ARHGAP26: variants seen among roughly 807,000 people sequenced by gnomAD.
ARHGAP26 encodes the protein rho GTPase-activating protein 26.
A neutral mutation model predicts 104.8 loss-of-function variants in ARHGAP26; 38 were observed. That is an observed-to-expected ratio of 0.36 (90% CI 0.28 to 0.48). The LOEUF (loss-of-function observed/expected upper bound fraction) is 0.48. ARHGAP26 is among the 20% of genes least tolerant of loss of function. ARHGAP26 has a pLI of 0.99. For missense variants in ARHGAP26, 704 were observed against 947.9 expected, an observed-to-expected ratio of 0.74 and a Z score of 3.38; for synonymous variants, 341 against 340.0, an observed-to-expected ratio of 1.00 and a Z score of -0.03.
intron 21 of ARHGAP26, among the ~76,000 whole-genome samples, chr5:143,213,716 G>T (rs1809875551): frequency 6.6e-6 from 1 of 152,138 alleles, no homozygotes; most frequent in Non-Finnish European, 1.5e-5. Flanking sequence ...CCGCTGTTTG[G>T]CTGTTGTAAC....
intron 11 of ARHGAP26, among the ~76,000 whole-genome samples, chr5:142,949,165 CAGAG>C (rs71276311): frequency 5.4e-5 from 2 of 37,362 alleles, no homozygotes; most frequent in African/African-American, 2.5e-4. Flanking sequence ...GTTGAATTTC[CAGAG>C]AGAGAGAGAG....
chr5:142,803,043 G>A (rs1047631844), intron 1 of ARHGAP26, among the ~76,000 whole-genome samples: 5 of 152,046 alleles, frequency 3.3e-5, no homozygotes, highest in Non-Finnish European at 7.4e-5. Context: ...AGCCTCATGC[G>A]CAGACTGTCA....
intron 17 of ARHGAP26, among the ~76,000 whole-genome samples, chr5:143,077,975 C>T (rs1289768237): frequency 6.6e-6 from 1 of 152,176 alleles, no homozygotes; most frequent in Non-Finnish European, 1.5e-5. Flanking sequence ...CTGCCAGCCT[C>T]TAAAGGCCAG....
chr5:142,960,592 G>A (rs764316931), intron 11 of ARHGAP26, among the ~76,000 whole-genome samples: 8 of 152,324 alleles, frequency 5.3e-5, no homozygotes, highest in South Asian at 2.1e-4. Context: ...ATCTACTGGC[G>A]TCTTGGGAGG....
At chr5:143,089,008 G>C (rs1445616997) in intron 17 of ARHGAP26, among the ~76,000 whole-genome samples, 1 of 152,152 alleles carries the variant, frequency 6.6e-6, no homozygotes, top group African/African-American at 2.4e-5. Flanking sequence ...GGGTGGAGCA[G>C]GTAATTGAAA....
chr5:142,777,670 A>G (rs1392082500), intron 1 of ARHGAP26, among the ~76,000 whole-genome samples: 1 of 152,302 alleles, frequency 6.6e-6, no homozygotes, highest in Middle Eastern at 3.4e-3. Flanking sequence ...TGCCTTTACC[A>G]TGTCCTCCAG....
At chr5:143,183,893 TTAAGTTTCAGTAGAAGTTTGGA>T (rs1169292470) in intron 20 of ARHGAP26, among the ~76,000 whole-genome samples, 1 of 152,216 alleles carries the variant, frequency 6.6e-6, no homozygotes, top group African/African-American at 2.4e-5. Flanking sequence ...CTCCATTTTC[TTAAGTTTCAGTAGAAGTTTGGA>T]TAACCTGTAG....
rs550943548 is a variant in ARHGAP26, at chr5:142,822,463, G to C, written c.155-50937G>C. On this transcript the variant is annotated intron_variant, in intron 1 of 22. Transcript: ENST00000645722. ...TAACTCTCTGTGAGTGTGTTGGCAA[G>C]AGATCTGCAGGGTTAAATCTCGGTA... is the stretch of plus-strand genomic sequence containing the variant. Among the ~76,000 whole-genome samples the C allele has an allele frequency of 8.5e-5, 13 of 152,286 alleles. 1 individual carries two copies. In the East Asian group the frequency reaches 2.5e-3, roughly 29 times the overall value.
intron 1 of ARHGAP26, among the ~76,000 whole-genome samples, chr5:142,810,352 A>G (rs1367790534): frequency 6.6e-6 from 1 of 152,216 alleles, no homozygotes. Flanking sequence ...AATTTAGGGT[A>G]GTATCAAAGA....
At chr5:143,187,812 C>T (rs1446302926) in intron 20 of ARHGAP26, among the ~76,000 whole-genome samples, 1 of 149,672 alleles carries the variant, frequency 6.7e-6, no homozygotes, top group Non-Finnish European at 1.5e-5. Context: ...CATAAGTGCA[C>T]TCTATCCATT....
At chr5:143,020,099 G>A (rs2152832794) in intron 12 of ARHGAP26, among the ~76,000 whole-genome samples, 1 of 152,238 alleles carries the variant, frequency 6.6e-6, no homozygotes, top group South Asian at 2.1e-4. Context: ...TGGATCTTGT[G>A]CCGGATGAAA....
intron 11 of ARHGAP26, among the ~76,000 whole-genome samples, chr5:142,991,340 G>C (rs751390169): frequency 6.6e-6 from 1 of 152,154 alleles, no homozygotes; most frequent in African/African-American, 2.4e-5. Context: ...GGAGTGTCTC[G>C]ATTTTCCAGG....
At position 142,964,540 on chromosome 5, in the gene ARHGAP26, T is replaced by TAA. The variant is rs1448659229; in HGVS notation, c.1107+32418_1107+32419dup. Reference sequence around the variant, plus strand: ...AGCTTATGCCTTGCTTTTCTCTGTTTAAAACACACACACACACACACACAC... The same window carrying TAA: ...AGCTTATGCCTTGCTTTTCTCTGTTTAAAAAACACACACACACACACACACAC... On this transcript the variant is annotated intron_variant, in intron 11 of 22. Coordinates refer to ENST00000645722, the MANE Select transcript of ARHGAP26 (RefSeq NM_001135608.3). Among the ~76,000 whole-genome samples, 30 of 109,954 alleles carry TAA rather than the reference T, an allele frequency of 2.7e-4. No individual in the cohort carries two copies. The East Asian group carries it at 4.9e-3, about 18-fold the overall frequency. The allele number at this position is 109,954 out of a possible 152,430, so 72.1% of individuals were successfully genotyped here.
At chr5:142,950,212 G>A (rs1306391523) in intron 11 of ARHGAP26, among the ~76,000 whole-genome samples, 1 of 152,132 alleles carries the variant, frequency 6.6e-6, no homozygotes, top group East Asian at 1.9e-4. Context: ...TGAATGGGGA[G>A]GGGCAGGACA....
intron 22 of ARHGAP26, among the ~76,000 whole-genome samples, chr5:143,219,832 T>G (rs886354587): frequency 1.3e-5 from 2 of 152,232 alleles, no homozygotes; most frequent in Non-Finnish European, 2.9e-5. Flanking sequence ...GCAGTTTGAA[T>G]AAGCATCCTG....
chr5:143,070,835 T>A (rs1201193725), intron 17 of ARHGAP26, among the ~76,000 whole-genome samples: 1 of 151,864 alleles, frequency 6.6e-6, no homozygotes. Context: ...TCACTTAAAC[T>A]GGGGACGCGG....
chr5:142,923,010 T>TTTGGC (rs1763406376), intron 10 of ARHGAP26, among the ~76,000 whole-genome samples: 1 of 152,220 alleles, frequency 6.6e-6, no homozygotes. Flanking sequence ...TGAATTGCTT[T>TTTGGC]TTGGCTGTTC....
At chr5:142,963,181 T>TACATAC (rs1554172165) in intron 11 of ARHGAP26, among the ~76,000 whole-genome samples, 9 of 111,568 alleles carry the variant, frequency 8.1e-5, no homozygotes, top group African/African-American at 4.1e-4. Flanking sequence ...TGTATATATA[T>TACATAC]ATATATATAT....
intron 11 of ARHGAP26, among the ~76,000 whole-genome samples, chr5:142,959,033 C>T (rs1769758590): frequency 6.6e-6 from 1 of 151,920 alleles, no homozygotes; most frequent in African/African-American, 2.4e-5. Context: ...CTTGAGAAGA[C>T]CTTAATAGTC....
Sources: gnomAD v4.1 joint callset for allele counts (sites outside exome capture counted in the v4.1 genomes callset) on GRCh38, gnomAD v4.1.1 for gene constraint, MANE v1.5 for transcripts, NCBI Gene and HGNC (gene_info 2026-07-23, HGNC 2026-07-21) for gene names.